Variants in CACNA2D3 observed in about 807,000 individuals in gnomAD.
CACNA2D3 encodes voltage-dependent calcium channel subunit alpha-2/delta-3.
CACNA2D3 carries 60 observed loss-of-function variants against 160.6 expected under a neutral mutation model. That is an observed-to-expected ratio of 0.37 (90% CI 0.30 to 0.46). CACNA2D3 has a LOEUF of 0.46. CACNA2D3 is among the 20% of genes least tolerant of loss of function. The pLI is 1.00. For synonymous variants in CACNA2D3, 558 were observed against 492.9 expected (o/e 1.13, Z -1.75); for missense variants, 1,205 against 1,365.0 (o/e 0.88, Z 1.85).
At chr3:54,434,836 A>G (rs753301312) in intron 4 of CACNA2D3, among the ~76,000 whole-genome samples, 3 of 152,130 alleles carry the variant, frequency 2.0e-5, no homozygotes, top group Non-Finnish European at 4.4e-5. Context: ...AGTAAGGGTA[A>G]GCTTCGTTTT....
At chr3:54,268,249 G>A (rs1470092035) in intron 2 of CACNA2D3, among the ~76,000 whole-genome samples, 2 of 152,178 alleles carry the variant, frequency 1.3e-5, no homozygotes, top group African/African-American at 4.8e-5. Flanking sequence ...CAGCCTTCAT[G>A]TGATGGCCAT....
At chr3:54,992,165 T>G (rs1052976495) in intron 31 of CACNA2D3, among the ~76,000 whole-genome samples, 1 of 152,196 alleles carries the variant, frequency 6.6e-6, no homozygotes, top group Non-Finnish European at 1.5e-5. Flanking sequence ...CAGGCACTTG[T>G]GCTCTTTAAA....
chr3:54,776,507 C>A (rs1433564175), intron 13 of CACNA2D3, among the ~76,000 whole-genome samples: 2 of 151,708 alleles, frequency 1.3e-5, no homozygotes, highest in African/African-American at 4.8e-5. Flanking sequence ...AGAGTGAGAC[C>A]CTGTCTCCAA....
intron 2 of CACNA2D3, among the ~76,000 whole-genome samples, chr3:54,217,439 A>G (rs1294821497): frequency 1.3e-5 from 2 of 152,178 alleles, no homozygotes; most frequent in Non-Finnish European, 1.5e-5. Context: ...TGGAATTTGT[A>G]AAGGTTATCT....
chr3:54,736,268 T>C (rs1003249590), intron 11 of CACNA2D3, among the ~76,000 whole-genome samples: 9 of 151,310 alleles, frequency 5.9e-5, no homozygotes, highest in African/African-American at 2.2e-4. Context: ...TTTGCCATTA[T>C]TTGTGATGGC....
intron 9 of CACNA2D3, among the ~76,000 whole-genome samples, chr3:54,595,200 C>G (rs1949581): frequency 1.3e-5 from 2 of 151,890 alleles, no homozygotes; most frequent in Non-Finnish European, 1.5e-5. Flanking sequence ...AAGACTAATA[C>G]AATAGTTAGT....
chr3:54,212,393 T>A (rs1701391800), intron 2 of CACNA2D3, among the ~76,000 whole-genome samples: 1 of 152,174 alleles, frequency 6.6e-6, no homozygotes, highest in South Asian at 2.1e-4. Context: ...AATTTCTGAT[T>A]GGCAGTCGGT....
At chr3:55,012,420 G>C (rs1245526308) in intron 34 of CACNA2D3, among the ~76,000 whole-genome samples, 1 of 152,076 alleles carries the variant, frequency 6.6e-6, no homozygotes, top group Non-Finnish European at 1.5e-5. Context: ...ACCTAGTGAA[G>C]ACGCTCCCTT....
intron 13 of CACNA2D3, among the ~76,000 whole-genome samples, chr3:54,769,689 A>G (rs1702283955): frequency 6.6e-6 from 1 of 152,164 alleles, no homozygotes; most frequent in African/African-American, 2.4e-5. Context: ...ACCTAGTGTG[A>G]GTTTATTTCC....
chr3:54,558,757 T>C (rs553088880), intron 5 of CACNA2D3, among the ~76,000 whole-genome samples: 2 of 152,342 alleles, frequency 1.3e-5, no homozygotes, highest in East Asian at 3.9e-4. Flanking sequence ...TCTCATTATT[T>C]TTTATGGCCG....
chr3:54,917,242 G>T (rs1451636298), intron 27 of CACNA2D3, among the ~76,000 whole-genome samples: 3 of 152,160 alleles, frequency 2.0e-5, no homozygotes, highest in Non-Finnish European at 2.9e-5. Context: ...CTCCCCTACT[G>T]CATTAAAATG....
At chr3:54,839,257 C>CA (rs1553881724) in intron 16 of CACNA2D3, among the ~76,000 whole-genome samples, 1 of 151,454 alleles carries the variant, frequency 6.6e-6, no homozygotes, top group African/African-American at 2.4e-5. Flanking sequence ...GACTCCATAT[C>CA]AAAAAATAAA....
intron 3 of CACNA2D3, among the ~76,000 whole-genome samples, chr3:54,355,189 T>C (rs1698627931): frequency 6.6e-6 from 1 of 152,228 alleles, no homozygotes; most frequent in Non-Finnish European, 1.5e-5. Context: ...GGGATCTGTA[T>C]GGCCTGAAGG....
intron 11 of CACNA2D3, among the ~76,000 whole-genome samples, chr3:54,721,775 A>AAG (rs944384069): frequency 5.3e-5 from 8 of 151,626 alleles, no homozygotes; most frequent in Admixed American, 6.6e-5. Flanking sequence ...AAAAAAAAAA[A>AAG]AAAAGAAAAG....
At chr3:54,510,606 A>T (rs1353681625) in intron 5 of CACNA2D3, among the ~76,000 whole-genome samples, 1 of 151,996 alleles carries the variant, frequency 6.6e-6, no homozygotes, top group Non-Finnish European at 1.5e-5. Flanking sequence ...CATCCCCATC[A>T]TCTCTGTTCT....
At chr3:54,350,068 T>A (rs918179934) in intron 3 of CACNA2D3, among the ~76,000 whole-genome samples, 16 of 152,218 alleles carry the variant, frequency 1.1e-4, no homozygotes. Context: ...TGGCTGCTGA[T>A]CATGGAAGAC....
intron 3 of CACNA2D3, among the ~76,000 whole-genome samples, chr3:54,337,462 C>T (rs1250021639): frequency 6.6e-6 from 1 of 152,166 alleles, no homozygotes; most frequent in Non-Finnish European, 1.5e-5. Context: ...CTTAGAATTC[C>T]TTTAAAATGG....
chr3:54,941,076 A>G (rs2106984167), intron 27 of CACNA2D3, among the ~76,000 whole-genome samples: 1 of 152,314 alleles, frequency 6.6e-6, no homozygotes, highest in East Asian at 1.9e-4. Flanking sequence ...ACACTGGACT[A>G]GGGGAGGTTT....
intron 3 of CACNA2D3, among the ~76,000 whole-genome samples, chr3:54,379,218 A>G (rs191965516): frequency 2.4e-4 from 37 of 152,312 alleles, no homozygotes; most frequent in African/African-American, 8.9e-4. Flanking sequence ...AATGTTTGCC[A>G]TTTTTAAAGC....
Sources: gnomAD v4.1 joint callset for allele counts (sites outside exome capture counted in the v4.1 genomes callset) on GRCh38, gnomAD v4.1.1 for gene constraint, MANE v1.5 for transcripts, NCBI Gene and HGNC (gene_info 2026-07-23, HGNC 2026-07-21) for gene names.